GAK: variants seen among roughly 807,000 people sequenced by gnomAD.
GAK encodes cyclin-G-associated kinase.
A neutral mutation model predicts 143.9 loss-of-function variants in GAK; 79 were observed. That is an observed-to-expected ratio of 0.55 (90% CI 0.46 to 0.66). The LOEUF (loss-of-function observed/expected upper bound fraction) is 0.66. GAK is among the 30% of genes least tolerant of loss of function. The pLI, the probability that GAK is intolerant of heterozygous loss-of-function variation, is 0.00. For synonymous variants in GAK, 881 were observed against 765.5 expected (o/e 1.15, Z -2.49); for missense variants, 1,693 against 1,779.7 (o/e 0.95, Z 0.88).
At chr4:893,126 G>A (rs954429426) in intron 9 of GAK, among the ~76,000 whole-genome samples, 6 of 151,136 alleles carry the variant, frequency 4.0e-5, no homozygotes, top group African/African-American at 1.5e-4. Context: ...GTTCAGGTGT[G>A]CCTCCCGCCC....
chr4:857,537 G>C (rs1389071676), intron 24 of GAK, among the ~76,000 whole-genome samples: 1 of 152,224 alleles, frequency 6.6e-6, no homozygotes, highest in Non-Finnish European at 1.5e-5. Context: ...AGTTGTGGCA[G>C]GAACTGGTTT....
At chr4:877,839 G>A (rs768577658) in intron 15 of GAK, 30 bp from the exon 16 acceptor site, 1 of 1,539,162 alleles carries the variant, frequency 6.5e-7, no homozygotes, top group South Asian at 1.2e-5. Flanking sequence ...GTCACCACGT[G>A]ACGTGCCCTG....
In GAK at chr4:909,314, A is replaced by G. The variant is rs1346048979; in HGVS notation, c.382+2359T>C. Reference sequence around the variant, plus strand: ...GCTCTGGAGGAGGCCCTAGAAGCGCAGCGCAGGAGCGGGTGTCAGAGTCCA... The same window carrying G: ...GCTCTGGAGGAGGCCCTAGAAGCGCGGCGCAGGAGCGGGTGTCAGAGTCCA... On this transcript the variant is annotated intron_variant, in intron 4 of 27. Transcript: ENST00000314167. Among the ~76,000 whole-genome samples, 3 of 152,394 alleles carry G rather than the reference A, an allele frequency of 2.0e-5. No homozygotes were observed. The East Asian group carries it at 5.8e-4, about 29-fold the overall frequency.
rs533909675 is a variant in GAK at position 896,643 on chromosome 4, G to A, written c.652-94C>T. ...TTCCGTGCAGCTTTCCAAATGCACAGCAGACTGAGGGGCAGCCTGTCCCGC... is the reference window on the plus strand; with the variant it reads ...TTCCGTGCAGCTTTCCAAATGCACAACAGACTGAGGGGCAGCCTGTCCCGC... On this transcript the variant is annotated intron_variant, in intron 6 of 27. Transcript: ENST00000314167. The A allele has an allele frequency of 4.9e-4, 466 of 946,410 alleles. 1 individual carries two copies. Among genetic ancestry groups the A allele is most frequent in the Non-Finnish European group, 5.2e-5 (31 of 596,210 alleles). The allele number at this position is 946,410 out of a possible 1,614,324, so 58.6% of individuals were successfully genotyped here. A position where few individuals can be genotyped will look rare whatever the true frequency, so the allele number is the denominator to read the frequency against.
intron 8 of GAK, among the ~76,000 whole-genome samples, 173 bp downstream of exon 8, chr4:893,701 G>A (rs1407412925): frequency 7.1e-6 from 1 of 140,690 alleles, no homozygotes; most frequent in Non-Finnish European, 1.5e-5. Context: ...CCAGCGGGGT[G>A]GGCGGCAGGG....
At chr4:877,399 C>T (rs1242133251) in intron 16 of GAK, among the ~76,000 whole-genome samples, 192 bp from the exon 17 acceptor site, 4 of 152,120 alleles carry the variant, frequency 2.6e-5, no homozygotes, top group Non-Finnish European at 5.9e-5. Context: ...CCTCCTGCTG[C>T]TGACCAGGAT....
At chr4:920,056 A>G (rs1384312965) in intron 1 of GAK, among the ~76,000 whole-genome samples, 3 of 152,136 alleles carry the variant, frequency 2.0e-5, no homozygotes, top group African/African-American at 7.2e-5. Context: ...TCAGGCCTGT[A>G]ATCTCAGCAC....
intron 19 of GAK, 92 bp from the exon 20 acceptor site, chr4:868,777 C>T (rs1435314939): frequency 3.1e-5 from 42 of 1,359,144 alleles, no homozygotes; most frequent in Middle Eastern, 2.6e-4. Context: ...GCCAGGCGGG[C>T]GCCAGCACCG....
At position 912,787 on chromosome 4, in the gene GAK, A is replaced by G. The variant is rs769915387; in HGVS notation, c.215T>C (p.Leu72Ser). The G allele has an allele frequency of 1.9e-6, 3 of 1,613,268 alleles. No homozygotes were observed. The highest frequency in any genetic ancestry group is 2.7e-5 in the African/African-American group (2 of 74,890). The change falls in exon 3 of 28, where the codon TTA becomes TCA. Residue 72 changes from leucine to serine, a missense_variant. Around this residue, in one of 2 missense-constraint regions of GAK, gnomAD observed 871 missense variants for 991.0 expected, o/e 0.88. Transcript: ENST00000314167. Reference protein sequence around the residue: ...SGREYALKRLLSNEEEKNRAI... With the variant: ...SGREYALKRLSSNEEEKNRAI... ...TCTGTTCTTTTCCTCTTCATTGGAT[A>G]ATAGCCTCTGTATCAGGAAACAGCA...
chr4:912,957 C>G (rs1412982661), intron 2 of GAK, among the ~76,000 whole-genome samples, 163 bp from the exon 3 acceptor site: 1 of 152,238 alleles, frequency 6.6e-6, no homozygotes, highest in African/African-American at 2.4e-5. Flanking sequence ...TAAAAACGTG[C>G]TGGGGGTTCA....
chr4:905,948 C>T (rs1054859127), intron 4 of GAK, among the ~76,000 whole-genome samples: 1 of 152,272 alleles, frequency 6.6e-6, no homozygotes, highest in African/African-American at 2.4e-5. Flanking sequence ...AGCAGCCCCA[C>T]AGTCAAGTCA....
At chr4:884,347 C>T (rs1386223733) in intron 11 of GAK, 3 of 490,328 alleles carry the variant, frequency 6.1e-6, no homozygotes, top group East Asian at 3.8e-5. Flanking sequence ...GGAGAGACAT[C>T]CGCTGTCTGA....
At chr4:912,660 T>C in intron 3 of GAK, 75 bp downstream of exon 3, 1 of 1,200,026 alleles carries the variant, frequency 8.3e-7, no homozygotes, top group Admixed American at 2.0e-5. Flanking sequence ...TCTTGGCCAC[T>C]GGCGGTCACA....
chr4:849,585 C>T lies in GAK; in HGVS notation c.*88G>A, dbSNP rs903313768. The T allele has an allele frequency of 1.3e-5, 13 of 1,031,566 alleles. No individual in the cohort carries two copies. Among genetic ancestry groups the T allele is most frequent in the Admixed American group, 6.2e-5 (3 of 48,614 alleles). 63.9% of individuals were successfully genotyped at this position (1,031,566 alleles called of 1,614,324 possible). A position where few individuals can be genotyped will look rare whatever the true frequency, so the allele number is the denominator to read the frequency against. Reference sequence around the variant, plus strand: ...GCCCCACCCTGGCCACACCTGCTGTCGCCCACGGGGTCCTCACGGTGGGGA... The same window carrying T: ...GCCCCACCCTGGCCACACCTGCTGTTGCCCACGGGGTCCTCACGGTGGGGA... On this transcript the variant is annotated 3_prime_UTR_variant, in exon 28 of 28. Transcript: ENST00000314167.
chr4:866,321 G>C, intron 22 of GAK, 43 bp downstream of exon 22: 1 of 1,587,634 alleles, frequency 6.3e-7, no homozygotes, highest in South Asian at 1.1e-5. Flanking sequence ...GGTCCTGAGG[G>C]AGGCGGCCAT....
In GAK at chr4:849,834, A is replaced by ACC. The variant is rs33919242; in HGVS notation, c.3834+56_3834+57dup. On this transcript the variant is annotated intron_variant, in intron 27 of 27. Coordinates refer to ENST00000314167, the MANE Select transcript of GAK (RefSeq NM_005255.4). ...AGCATGCGGGGGCGGGCGGGGCAGG[A>ACC]CCCCCCCCCCGCCCCGCCCCTGAAG... The ACC allele has an allele frequency of 3.5e-3, 3,313 of 945,868 alleles. 8 individuals carry two copies. Among genetic ancestry groups the ACC allele is most frequent in the African/African-American group, 6.6e-3 (329 of 49,998 alleles). 58.6% of individuals were successfully genotyped at this position (945,868 alleles called of 1,614,324 possible).
chr4:892,620 T>C lies in GAK; in HGVS notation c.990+757A>G, dbSNP rs560681933. Among the ~76,000 whole-genome samples, 57 of 152,244 alleles carry C rather than the reference T, an allele frequency of 3.7e-4. 1 individual carries two copies. In the South Asian group the frequency reaches 0.011, roughly 29 times the overall value. On this transcript the variant is annotated intron_variant, in intron 9 of 27. Coordinates refer to ENST00000314167, the MANE Select transcript of GAK (RefSeq NM_005255.4). ...GATGCTGCCAGCAGCCACCGGTGCCTGGGAGTGGACCCTGGCCAGGCCCAG... is the reference window on the plus strand; with the variant it reads ...GATGCTGCCAGCAGCCACCGGTGCCCGGGAGTGGACCCTGGCCAGGCCCAG...
intron 1 of GAK, among the ~76,000 whole-genome samples, chr4:914,866 C>CCA (rs1296606467): frequency 2.4e-5 from 3 of 124,938 alleles, no homozygotes; most frequent in African/African-American, 6.1e-5. Context: ...ATGCACGGCC[C>CCA]CACACACACA....
At chr4:909,161 T>C (rs886898907) in intron 4 of GAK, among the ~76,000 whole-genome samples, 1 of 152,254 alleles carries the variant, frequency 6.6e-6, no homozygotes, top group Non-Finnish European at 1.5e-5. Flanking sequence ...TCTGTGTTAT[T>C]TGTATTTTGT....
Sources: gnomAD v4.1 joint callset for allele counts (sites outside exome capture counted in the v4.1 genomes callset) on GRCh38, gnomAD v4.1.1 for gene constraint, gnomAD v4.1.1 regional missense constraint, MANE v1.5 for transcripts, NCBI Gene and HGNC (gene_info 2026-07-23, HGNC 2026-07-21) for gene names.